The following MGAT5 variants were observed in gnomAD, a reference collection of about 807,000 sequenced individuals.
The protein encoded by MGAT5 is alpha-1,6-mannosylglycoprotein 6-beta-N-acetylglucosaminyltransferase A.
MGAT5 carries 30 observed loss-of-function variants against 94.3 expected under a neutral mutation model. That is an observed-to-expected ratio of 0.32 (90% CI 0.24 to 0.43). The LOEUF (loss-of-function observed/expected upper bound fraction) is 0.43. MGAT5 is among the 20% of genes least tolerant of loss of function. The pLI, the probability that MGAT5 is intolerant of heterozygous loss-of-function variation, is 1.00. For synonymous variants in MGAT5, 310 were observed against 322.9 expected (o/e 0.96, Z 0.43); for missense variants, 691 against 905.5 (o/e 0.76, Z 3.04).
intron 1 of MGAT5, among the ~76,000 whole-genome samples, chr2:134,120,844 G>A (rs970609740): frequency 7.9e-5 from 12 of 152,004 alleles, no homozygotes; most frequent in African/African-American, 2.2e-4. Flanking sequence ...GGATGCGGCG[G>A]GCTGGCGCTC....
In MGAT5 at chr2:134,450,785, T is replaced by C. The variant is rs1226963328; in HGVS notation, c.*1938T>C. 8.1e-5 allele frequency: 1 copy of C among 12,386 alleles called. No homozygotes were observed. Among genetic ancestry groups the C allele is most frequent in the South Asian group, 5.5e-3 (1 of 182 alleles). 0.8% of individuals were successfully genotyped at this position (12,386 alleles called of 1,614,324 possible). A position where few individuals can be genotyped will look rare whatever the true frequency, so the allele number is the denominator to read the frequency against. ...TCCAAAGGAAACCTTGGTGAGTGAG[T>C]GTGTGTGTGTGTGTGTGTGTGTGTG... On this transcript the variant is annotated 3_prime_UTR_variant, in exon 16 of 16. Coordinates refer to ENST00000281923, the MANE Select transcript of MGAT5 (RefSeq NM_002410.5).
At chr2:134,224,579 G>T (rs1680957903) in intron 1 of MGAT5, among the ~76,000 whole-genome samples, 1 of 152,112 alleles carries the variant, frequency 6.6e-6, no homozygotes, top group South Asian at 2.1e-4. Context: ...GAAAGAAAAG[G>T]ATAGGAACAC....
At chr2:134,437,324 G>A (rs1685218403) in intron 14 of MGAT5, among the ~76,000 whole-genome samples, 1 of 152,124 alleles carries the variant, frequency 6.6e-6, no homozygotes, top group African/African-American at 2.4e-5. Flanking sequence ...GCTGCTTCCT[G>A]TACCCCATGA....
chr2:134,189,761 C>T (rs937962335), intron 1 of MGAT5, among the ~76,000 whole-genome samples: 2 of 151,574 alleles, frequency 1.3e-5, no homozygotes, highest in Non-Finnish European at 2.9e-5. Context: ...GCCAGCATGC[C>T]CAGCTAATTT....
In MGAT5 at chr2:134,254,551, A is replaced by C; in HGVS notation, c.148A>C (p.Ile50Leu). The change falls in exon 1 of 16, where the codon ATC (isoleucine) becomes CTC (leucine). Residue 50 changes from isoleucine to leucine, a missense_variant. Coordinates refer to ENST00000281923, the MANE Select transcript of MGAT5 (RefSeq NM_002410.5). ...AAGCAGCTCCATGCTGCGCGAGCAG[A>C]TCCTGGACCTCAGCAAAAGGTACAT... ...PESSSMLREQ[I>L]LDLSKRYIKA... 1.9e-6 allele frequency: 3 copies of C among 1,614,226 alleles called. No homozygotes were observed. The highest frequency in any genetic ancestry group is 2.5e-6 in the Non-Finnish European group (3 of 1,180,046).
chr2:134,251,502 A>G (rs1267514416), upstream of MGAT5, among the ~76,000 whole-genome samples: 1 of 152,196 alleles, frequency 6.6e-6, no homozygotes, highest in Non-Finnish European at 1.5e-5. Flanking sequence ...TTTCTCTGAG[A>G]AGGTGTGTGT....
chr2:134,155,938 C>T (rs1408055619), intron 1 of MGAT5, among the ~76,000 whole-genome samples: 1 of 152,136 alleles, frequency 6.6e-6, no homozygotes, highest in Admixed American at 6.5e-5. Context: ...AGCAGATCCC[C>T]ATTATTCTCT....
chr2:134,326,932 G>A (rs1338025306), intron 4 of MGAT5, among the ~76,000 whole-genome samples: 5 of 152,048 alleles, frequency 3.3e-5, no homozygotes, highest in East Asian at 1.9e-4. Context: ...AAGTGCAGTC[G>A]CCCTGGAGTG....
At chr2:134,296,173 G>A (rs1685661784) in intron 2 of MGAT5, among the ~76,000 whole-genome samples, 1 of 152,174 alleles carries the variant, frequency 6.6e-6, no homozygotes, top group African/African-American at 2.4e-5. Flanking sequence ...GTCGACTCTA[G>A]TTTAGTTACC....
chr2:134,208,360 T>G (rs769854260), intron 1 of MGAT5, among the ~76,000 whole-genome samples: 1 of 152,234 alleles, frequency 6.6e-6, no homozygotes, highest in Non-Finnish European at 1.5e-5. Context: ...ACTATTAGTA[T>G]GTATGCTACG....
At chr2:134,216,099 T>C (rs1462981856) in intron 1 of MGAT5, among the ~76,000 whole-genome samples, 1 of 152,214 alleles carries the variant, frequency 6.6e-6, no homozygotes, top group Non-Finnish European at 1.5e-5. Flanking sequence ...AGTGGTTCTG[T>C]AAGAAGCTGG....
At chr2:134,303,238 T>C (rs1686137786) in intron 2 of MGAT5, among the ~76,000 whole-genome samples, 1 of 152,210 alleles carries the variant, frequency 6.6e-6, no homozygotes, top group Non-Finnish European at 1.5e-5. Flanking sequence ...TAATAACCGC[T>C]TTAAATTCTT....
intron 10 of MGAT5, among the ~76,000 whole-genome samples, chr2:134,399,418 C>T (rs2106282900): frequency 6.6e-6 from 1 of 152,364 alleles, no homozygotes; most frequent in South Asian, 2.1e-4. Context: ...CAACACTGCT[C>T]ATTGACTCCA....
intron 10 of MGAT5, among the ~76,000 whole-genome samples, chr2:134,381,418 ATAGATAG>A (rs775960537): frequency 2.7e-5 from 4 of 146,334 alleles, no homozygotes; most frequent in African/African-American, 1.0e-4. Flanking sequence ...AGATAGATAG[ATAGATAG>A]ATAGATAGCC....
At chr2:134,391,468 G>A (rs1558851397) in intron 10 of MGAT5, among the ~76,000 whole-genome samples, 1 of 152,214 alleles carries the variant, frequency 6.6e-6, no homozygotes, top group Non-Finnish European at 1.5e-5. Context: ...GAAAGTCTGA[G>A]ATCAGGGTGC....
intron 10 of MGAT5, among the ~76,000 whole-genome samples, chr2:134,381,511 C>T (rs1323493917): frequency 4.0e-5 from 2 of 50,584 alleles, no homozygotes; most frequent in African/African-American, 8.4e-5. Context: ...GACAGACAGA[C>T]CAGACAGACA....
chr2:134,281,330 G>A lies in MGAT5; in HGVS notation c.406+10780G>A, dbSNP rs149307036. 1.2e-3 allele frequency among the ~76,000 whole-genome samples: 186 copies of A among 152,330 alleles called. 2 individuals are homozygous for A. Among genetic ancestry groups the A allele is most frequent in the African/African-American group, 4.2e-3 (175 of 41,588 alleles). ...ATCTTTTATCCAACCTATGCGGACA[G>A]CATGATGCCAGGTCTGTGTCAGGCA... On this transcript the variant is annotated intron_variant, in intron 2 of 15. Coordinates refer to ENST00000281923, the MANE Select transcript of MGAT5 (RefSeq NM_002410.5).
intron 2 of MGAT5, 75 bp downstream of exon 2, chr2:134,270,625 G>C: frequency 6.8e-7 from 1 of 1,460,906 alleles, no homozygotes; most frequent in Non-Finnish European, 9.4e-7. Context: ...AAGGAGAGCA[G>C]TGGTTCTTAC....
chr2:134,272,298 C>A (rs540072837), intron 2 of MGAT5, among the ~76,000 whole-genome samples: 1 of 152,166 alleles, frequency 6.6e-6, no homozygotes, highest in East Asian at 1.9e-4. Flanking sequence ...TGGCTCTGAG[C>A]GGGACTCCTT....
Sources: allele counts gnomAD v4.1 joint callset (sites outside exome capture counted in the v4.1 genomes callset), GRCh38; gene constraint gnomAD v4.1.1; transcripts MANE v1.5; gene names NCBI Gene and HGNC (gene_info 2026-07-23, HGNC 2026-07-21).